The following CPSF1 variants were observed in gnomAD, a reference collection of about 807,000 sequenced individuals.
CPSF1 encodes the protein cleavage and polyadenylation specificity factor subunit 1.
A neutral mutation model predicts 175.8 loss-of-function variants in CPSF1; 106 were observed. That is an observed-to-expected ratio of 0.60 (90% CI 0.52 to 0.71). The LOEUF is 0.71. Among genes scored for constraint, CPSF1 ranks in the 30% least tolerant of loss-of-function variants. The pLI is 0.00. For synonymous variants in CPSF1, 1,024 were observed against 858.3 expected (o/e 1.19, Z -3.37); for missense variants, 1,734 against 2,022.9 (o/e 0.86, Z 2.74).
chr8:144,396,302 C>T, intron 26 of CPSF1, 46 bp downstream of exon 26: 2 of 1,548,476 alleles, frequency 1.3e-6, no homozygotes, highest in South Asian at 1.2e-5. Context: ...CAGCCCCCAG[C>T]TGGGGCAGCA....
rs2116877231 is a variant in CPSF1, at chr8:144,400,657, C to T, written c.686+14G>A. On this transcript the variant is annotated intron_variant, in intron 7 of 37. Coordinates refer to ENST00000616140, the MANE Select transcript of CPSF1 (RefSeq NM_013291.3). Reference sequence around the variant, plus strand: ...GGGGCCCACAGTGCAGAGGGGCCTCCTTAGGGGGCTCACCCAGGCCAGGTC... The same window carrying T: ...GGGGCCCACAGTGCAGAGGGGCCTCTTTAGGGGGCTCACCCAGGCCAGGTC... 6.2e-7 allele frequency: 1 copy of T among 1,601,912 alleles called. No individual in the cohort carries two copies. Among genetic ancestry groups the T allele is most frequent in the African/African-American group, 1.3e-5 (1 of 74,938 alleles).
At chr8:144,400,135 G>GGGGC in intron 9 of CPSF1, 31 bp downstream of exon 9, 12 of 895,924 alleles carry the variant, frequency 1.3e-5, no homozygotes, top group African/African-American at 4.7e-5. Context: ...CCGTCCCCGG[G>GGGGC]CCCCCCCCGC....
chr8:144,395,212 A>C, intron 28 of CPSF1, 30 bp from the exon 29 acceptor site: 1 of 1,612,694 alleles, frequency 6.2e-7, no homozygotes, highest in Non-Finnish European at 8.5e-7. Context: ...CAGTCAGAGT[A>C]GGGCTTCCCC....
chr8:144,398,870 T>C lies in CPSF1; in HGVS notation c.1549-2A>G. Reference sequence around the variant, plus strand: ...CACCACCTGGGGCCGGATGCTCTTCTAGAATGATGATGGGGTGGGGGTGTG... The same window carrying C: ...CACCACCTGGGGCCGGATGCTCTTCCAGAATGATGATGGGGTGGGGGTGTG... On this transcript the variant is annotated splice_acceptor_variant, in intron 16 of 37. Transcript: ENST00000616140. LOFTEE classifies it high-confidence loss of function. The C allele has an allele frequency of 1.9e-6, 3 of 1,610,910 alleles. No individual in the cohort carries two copies. Among genetic ancestry groups the C allele is most frequent in the Non-Finnish European group, 2.5e-6 (3 of 1,177,948 alleles).
At chr8:144,408,872 G>A in intron 2 of CPSF1, 143 bp downstream of exon 2, 1 of 962,946 alleles carries the variant, frequency 1.0e-6, no homozygotes, top group Non-Finnish European at 1.5e-6. Context: ...AAGAGATTCA[G>A]GGTCATGTCC....
At chr8:144,400,132 C>CGGGGGGGGGGGGGGGGG in intron 9 of CPSF1, 34 bp downstream of exon 9, 1 of 1,067,952 alleles carries the variant, frequency 9.4e-7, no homozygotes, top group Non-Finnish European at 1.3e-6. Context: ...AAGCCGTCCC[C>CGGGGGGGGGGGGGGGGG]GGGCCCCCCC....
At position 144,396,617 on chromosome 8, in the gene CPSF1, T is replaced by G; in HGVS notation, c.2807A>C (p.Asp936Ala). The change falls in exon 25 of 38, where the codon GAT (aspartate) becomes GCT (alanine). Residue 936 changes from aspartate to alanine, a missense_variant. Around this residue, in one of 10 missense-constraint regions of CPSF1, gnomAD observed 585 missense variants for 584.7 expected, o/e 1.00. Transcript: ENST00000616140. ...GCCTACCCCTGAGTAGCCATAAATA[T>G]CCTCGAAGTAGCGGAAACGCGCCAC... ...GRVARFRYFE[D>A]IYGYSGVFIC... 1 of 1,613,404 alleles carries G rather than the reference T, an allele frequency of 6.2e-7. No homozygotes were observed. Among genetic ancestry groups the G allele is most frequent in the Non-Finnish European group, 8.5e-7 (1 of 1,179,854 alleles).
At chr8:144,400,135 G>GGGGGGCCC in intron 9 of CPSF1, 31 bp downstream of exon 9, 12 of 895,858 alleles carry the variant, frequency 1.3e-5, no homozygotes, top group Non-Finnish European at 1.9e-5. Flanking sequence ...CCGTCCCCGG[G>GGGGGGCCC]CCCCCCCCGC....
At chr8:144,408,161 G>A (rs1554869675) in intron 2 of CPSF1, among the ~76,000 whole-genome samples, 2 of 152,082 alleles carry the variant, frequency 1.3e-5, no homozygotes, top group Non-Finnish European at 2.9e-5. Context: ...TCCCTGCTTT[G>A]TGGAGAATAG....
chr8:144,403,577 G>A (rs1235498679), intron 2 of CPSF1, among the ~76,000 whole-genome samples: 1 of 150,976 alleles, frequency 6.6e-6, no homozygotes, highest in Non-Finnish European at 1.5e-5. Context: ...TTTTGAGACA[G>A]AGTCTCACTC....
At chr8:144,401,158 G>C in intron 5 of CPSF1, 53 bp downstream of exon 5, 2 of 1,563,640 alleles carry the variant, frequency 1.3e-6, no homozygotes, top group Non-Finnish European at 1.7e-6. Flanking sequence ...CAGCTGCAGG[G>C]GGAGGGAGGG....
At position 144,394,300 on chromosome 8, in the gene CPSF1, C is replaced by T. The variant is rs1554862671; in HGVS notation, c.3745G>A (p.Asp1249Asn). 3.1e-6 allele frequency: 5 copies of T among 1,589,682 alleles called. No homozygotes were observed. Among genetic ancestry groups the T allele is most frequent in the Non-Finnish European group, 4.3e-6 (5 of 1,166,152 alleles). The change falls in exon 33 of 38, where the codon GAT (aspartate) becomes AAT (asparagine). Residue 1249 changes from aspartate to asparagine, a missense_variant and splice_region_variant. Asp to Asn is a conservative substitution (Grantham distance 23). Coordinates refer to ENST00000616140, the MANE Select transcript of CPSF1 (RefSeq NM_013291.3). ...ESKTLSLVSR[D>N]AKPLEVYSVD... ...CTGTACACCTCCAGGGGCTTGGCAT[C>T]CTGGGGGCGGGAAGGGGGCGTCAGA...
chr8:144,401,096 A>T, intron 5 of CPSF1, 21 bp from the exon 6 acceptor site: 1 of 1,598,680 alleles, frequency 6.3e-7, no homozygotes, highest in Non-Finnish European at 8.5e-7. Context: ...AGGGGGCATC[A>T]GCCAGGCCCA....
At chr8:144,396,204 T>A (rs1554863621) in intron 26 of CPSF1, 144 bp downstream of exon 26, 1 of 861,670 alleles carries the variant, frequency 1.2e-6, no homozygotes, top group Non-Finnish European at 1.8e-6. Context: ...AGGTTCCACC[T>A]CCTCGACCTC....
At chr8:144,397,093 AG>A in intron 23 of CPSF1, 113 bp downstream of exon 23, 1 of 566,318 alleles carries the variant, frequency 1.8e-6, no homozygotes, top group Non-Finnish European at 2.3e-6. Flanking sequence ...AGCCACGGGA[AG>A]GGGCGGGGCC....
Position 144,397,107 on chromosome 8 carries a change from G to A in CPSF1, c.2592+100C>T, listed in dbSNP as rs1347036876. 166 of 1,213,776 alleles carry A rather than the reference G, an allele frequency of 1.4e-4. 2 individuals are homozygous for A. The East Asian group carries it at 4.2e-3, about 31-fold the overall frequency. 75.2% of individuals were successfully genotyped at this position (1,213,776 alleles called of 1,614,324 possible). A position where few individuals can be genotyped will look rare whatever the true frequency, so the allele number is the denominator to read the frequency against. On this transcript the variant is annotated intron_variant, in intron 23 of 37. Coordinates refer to ENST00000616140, the MANE Select transcript of CPSF1 (RefSeq NM_013291.3). ...GAGCCACGGGAAGGGGCGGGGCCGT[G>A]GGGGAGATGGGGTGGAGCCACGGGA...
Position 144,401,696 on chromosome 8 carries a change from G to C in CPSF1, c.145-23C>G, listed in dbSNP as rs1240581450. ...AGCCTGGAGGGGAGAGAAAGACAGG[G>C]CAGTGAGGGGCCACATCTGGCAGCT... On this transcript the variant is annotated intron_variant, in intron 2 of 37. Coordinates refer to ENST00000616140, the MANE Select transcript of CPSF1 (RefSeq NM_013291.3). 1.9e-6 allele frequency: 3 copies of C among 1,595,540 alleles called. No individual in the cohort carries two copies. The African/African-American group carries it at 4.0e-5, about 21-fold the overall frequency.
chr8:144,396,425 T>G lies in CPSF1; in HGVS notation c.2902A>C (p.Ile968Leu). 6.3e-7 allele frequency: 1 copy of G among 1,595,082 alleles called. No individual in the cohort carries two copies. The highest frequency in any genetic ancestry group is 8.5e-7 in the Non-Finnish European group (1 of 1,172,690). The stretch of plus-strand genomic sequence containing the variant: ...GCGAAAGAGTCGACCGGGCCGTCGA[T>G]GGCCATGGGGTGTAGCCGCAGAGCC... The part of the protein sequence containing the change: ...RGALRLHPMA[I>L]DGPVDSFAPF... The change falls in exon 26 of 38, where the codon ATC (isoleucine) becomes CTC (leucine). Residue 968 changes from isoleucine to leucine, a missense_variant. By Grantham distance (5) the Ile-to-Leu change is conservative (BLOSUM62 2). Coordinates refer to ENST00000616140, the MANE Select transcript of CPSF1 (RefSeq NM_013291.3).
Position 144,400,991 on chromosome 8 carries a change from G to C in CPSF1, c.472C>G (p.Arg158Gly). ...CTGCGGAAGGGCAGGACCACCAGCC[G>C]CGTGCCGTAGACAAGCATGGCTGCA... ...RCAAMLVYGTRLVVLPFRRES... is the reference protein window; with the variant it reads ...RCAAMLVYGTGLVVLPFRRES... The change falls in exon 6 of 38, where the codon CGG (arginine) becomes GGG (glycine). Residue 158 changes from arginine (R) to glycine (G), a missense_variant. Physicochemically the swap from Arg to Gly is moderately radical, Grantham distance 125. This residue lies in a region of CPSF1 where 122 missense variants were observed against 177.2 expected (regional missense o/e 0.69). Transcript: ENST00000616140. The C allele has an allele frequency of 6.2e-7, 1 of 1,610,464 alleles. No homozygotes were observed. Among genetic ancestry groups the C allele is most frequent in the Non-Finnish European group, 8.5e-7 (1 of 1,178,506 alleles).
Sources: gnomAD v4.1 joint callset for allele counts (sites outside exome capture counted in the v4.1 genomes callset) on GRCh38, gnomAD v4.1.1 for gene constraint, gnomAD v4.1.1 regional missense constraint, MANE v1.5 for transcripts, NCBI Gene and HGNC (gene_info 2026-07-23, HGNC 2026-07-21) for gene names.